The following ADGRL3 variants were observed in gnomAD, a reference collection of about 807,000 sequenced individuals.
ADGRL3 encodes adhesion G protein-coupled receptor L3.
In ADGRL3, 62 loss-of-function variants were observed where a neutral mutation model predicts 153.5. The ratio of observed to expected loss-of-function variants is 0.40; its 90% CI spans 0.33 to 0.50. The LOEUF (loss-of-function observed/expected upper bound fraction) is 0.50, where lower values mean the gene tolerates loss of function less well. ADGRL3 is among the 20% of genes least tolerant of loss of function. The pLI is 0.47. For synonymous variants in ADGRL3, 710 were observed against 672.5 expected (o/e 1.06, Z -0.86); for missense variants, 1,641 against 1,859.4 (o/e 0.88, Z 2.16).
At chr4:61,212,900 G>A (rs1223573694) in intron 1 of ADGRL3, among the ~76,000 whole-genome samples, 1 of 151,904 alleles carries the variant, frequency 6.6e-6, no homozygotes, top group Non-Finnish European at 1.5e-5. Flanking sequence ...TCTTTTTCTG[G>A]TGCGTTTGAT....
chr4:62,022,786 G>A (rs1041478129), intron 21 of ADGRL3, among the ~76,000 whole-genome samples: 2 of 143,686 alleles, frequency 1.4e-5, no homozygotes, highest in East Asian at 2.2e-4. Flanking sequence ...GAGACCTACT[G>A]CTCAGAAAAA....
intron 1 of ADGRL3, among the ~76,000 whole-genome samples, chr4:61,366,534 C>T (rs1378838040): frequency 6.6e-6 from 1 of 152,180 alleles, no homozygotes; most frequent in East Asian, 1.9e-4. Flanking sequence ...GCCTTCATCA[C>T]TTAGTATATA....
intron 3 of ADGRL3, among the ~76,000 whole-genome samples, chr4:61,509,361 C>T (rs1039873357): frequency 3.3e-5 from 5 of 151,992 alleles, no homozygotes; most frequent in South Asian, 2.1e-4. Context: ...CTCCTGACCT[C>T]GGGTGATCCA....
chr4:61,375,047 G>A (rs565876424), intron 1 of ADGRL3, among the ~76,000 whole-genome samples: 25 of 151,760 alleles, frequency 1.6e-4, no homozygotes, highest in African/African-American at 5.6e-4. Flanking sequence ...TGTGAGATTC[G>A]TATCACCTGA....
At position 61,210,182 on chromosome 4, in the gene ADGRL3, T is replaced by A. The variant is rs181885433; in HGVS notation, c.-240+8417T>A. On this transcript the variant is annotated intron_variant, in intron 1 of 26. Coordinates refer to ENST00000683033, the MANE Select transcript of ADGRL3 (RefSeq NM_001387552.1). ...GGAAAGGATATGATATAGTAGGTGGTAAAAATGAATGAAAAAGTAAACTGC... is the reference window on the plus strand; with the variant it reads ...GGAAAGGATATGATATAGTAGGTGGAAAAAATGAATGAAAAAGTAAACTGC... Among the ~76,000 whole-genome samples, 297 of 152,262 alleles carry A rather than the reference T, an allele frequency of 2.0e-3. 2 individuals are homozygous for A. The highest frequency in any genetic ancestry group is 6.9e-3 in the African/African-American group (285 of 41,562).
chr4:61,444,427 T>G (rs1403923108), intron 2 of ADGRL3, among the ~76,000 whole-genome samples: 1 of 152,194 alleles, frequency 6.6e-6, no homozygotes, highest in Non-Finnish European at 1.5e-5. Flanking sequence ...TGACTGGAGC[T>G]CACCATGTTT....
At position 61,585,707 on chromosome 4, in the gene ADGRL3, TGTTGA is replaced by T. The variant is rs141263996; in HGVS notation, c.260-1516_260-1512del. ...AATTACATGCTTATAAAAGAAGATT[TGTTGA>T]GTTATCATAACTTAACATTTGACTC... On this transcript the variant is annotated intron_variant, in intron 4 of 26. Transcript: ENST00000683033. 5.0e-3 allele frequency among the ~76,000 whole-genome samples: 762 copies of T among 152,144 alleles called. 11 individuals are homozygous for T. Among genetic ancestry groups the T allele is most frequent in the African/African-American group, 0.017 (686 of 41,538 alleles).
At chr4:62,042,671 C>T (rs1729011799) in intron 24 of ADGRL3, among the ~76,000 whole-genome samples, 1 of 152,014 alleles carries the variant, frequency 6.6e-6, no homozygotes, top group African/African-American at 2.4e-5. Context: ...ATGTTACTTC[C>T]TCAGTCTGCA....
At chr4:61,467,490 G>A (rs181547611) in intron 2 of ADGRL3, among the ~76,000 whole-genome samples, 235 of 149,874 alleles carry the variant, frequency 1.6e-3, no homozygotes, top group Non-Finnish European at 1.7e-3. Context: ...GTGTGTGTGT[G>A]AGAGAGAGAG....
At position 61,646,923 on chromosome 4, in the gene ADGRL3, A is replaced by T. The variant is rs187822996; in HGVS notation, c.474-29903A>T. On this transcript the variant is annotated intron_variant, in intron 5 of 26. Transcript: ENST00000683033. ...ATCTTAGACTGCTGTGCTAGCAATCAGCGAGACTCCGTGGGCGTAGGACCC... is the reference window on the plus strand; with the variant it reads ...ATCTTAGACTGCTGTGCTAGCAATCTGCGAGACTCCGTGGGCGTAGGACCC... Among the ~76,000 whole-genome samples, 857 of 152,296 alleles carry T rather than the reference A, an allele frequency of 5.6e-3. 4 individuals are homozygous for T. Among genetic ancestry groups the T allele is most frequent in the Middle Eastern group, 0.02 (6 of 294 alleles).
chr4:61,301,979 T>C (rs1013464172), intron 1 of ADGRL3, among the ~76,000 whole-genome samples: 1 of 152,106 alleles, frequency 6.6e-6, no homozygotes, highest in African/African-American at 2.4e-5. Flanking sequence ...TAGAAATCAG[T>C]TCGAAGGGAT....
chr4:61,927,264 A>G (rs764888265), intron 13 of ADGRL3, among the ~76,000 whole-genome samples: 7 of 152,158 alleles, frequency 4.6e-5, no homozygotes, highest in Non-Finnish European at 7.4e-5. Context: ...TTCCTGTAAC[A>G]TGATAGAGAT....
chr4:61,616,094 G>T (rs186117820), intron 5 of ADGRL3, among the ~76,000 whole-genome samples: 162 of 152,136 alleles, frequency 1.1e-3, no homozygotes, highest in African/African-American at 3.7e-3. Context: ...TAGTCCAAAA[G>T]ATATTTATTT....
chr4:62,020,325 A>T (rs2099232233), intron 21 of ADGRL3, among the ~76,000 whole-genome samples: 2 of 152,162 alleles, frequency 1.3e-5, no homozygotes, highest in South Asian at 4.1e-4. Flanking sequence ...GAGAGTAGGT[A>T]ATACAGTCCT....
intron 1 of ADGRL3, among the ~76,000 whole-genome samples, chr4:61,255,923 C>T (rs752280372): frequency 3.3e-5 from 5 of 152,066 alleles, no homozygotes; most frequent in Non-Finnish European, 5.9e-5. Flanking sequence ...ATTTACTGTT[C>T]TCCTCTTTTG....
intron 9 of ADGRL3, among the ~76,000 whole-genome samples, chr4:61,887,771 G>A (rs1235295151): frequency 6.6e-6 from 1 of 152,178 alleles, no homozygotes; most frequent in African/African-American, 2.4e-5. Flanking sequence ...CTTGAACCCA[G>A]GAGGTGGACG....
rs764692505 is a variant in ADGRL3, at chr4:61,948,288, A to G, written c.2805+12A>G. On this transcript the variant is annotated intron_variant, in intron 17 of 26. Transcript: ENST00000683033. ...ATGTGGAAGTTAAGGTAAGATATATACCATACAATGAAAATGTTTTAGTAT... is the reference window on the plus strand; with the variant it reads ...ATGTGGAAGTTAAGGTAAGATATATGCCATACAATGAAAATGTTTTAGTAT... 9 of 1,603,172 alleles carry G rather than the reference A, an allele frequency of 5.6e-6. No individual in the cohort carries two copies. In the African/African-American group the frequency reaches 1.2e-4, roughly 21 times the overall value.
intron 9 of ADGRL3, among the ~76,000 whole-genome samples, chr4:61,855,721 A>T (rs2098255737): frequency 6.6e-6 from 1 of 152,144 alleles, no homozygotes. Flanking sequence ...TGAAGAAAAA[A>T]AAATACTTGC....
At chr4:61,555,824 C>T (rs984831977) in intron 4 of ADGRL3, among the ~76,000 whole-genome samples, 1 of 152,182 alleles carries the variant, frequency 6.6e-6, no homozygotes, top group African/African-American at 2.4e-5. Context: ...TATAGGGTAA[C>T]TTCCTGATGT....
Sources: allele counts gnomAD v4.1 joint callset (sites outside exome capture counted in the v4.1 genomes callset), GRCh38; gene constraint gnomAD v4.1.1; transcripts MANE v1.5; gene names NCBI Gene and HGNC (gene_info 2026-07-23, HGNC 2026-07-21).